Variants in SEC11A observed in about 807,000 individuals in gnomAD.
The protein encoded by SEC11A is SEC11 homolog A, signal peptidase complex subunit.
Under a neutral mutation model 25.6 loss-of-function variants are expected in SEC11A, and 14 were observed. The ratio of observed to expected loss-of-function variants is 0.55; its 90% CI spans 0.36 to 0.85. The LOEUF is 0.85. Ranked by LOEUF, SEC11A falls within the 40% of genes least tolerant of loss-of-function variation. The probability of loss-of-function intolerance (pLI) is 0.01; values close to 1 mark genes in which losing one functional copy is unlikely to be tolerated. For synonymous variants in SEC11A, 83 were observed against 76.4 expected, an observed-to-expected ratio of 1.09 and a Z score of -0.45; for missense variants, 153 against 222.9, an observed-to-expected ratio of 0.69 and a Z score of 2.00.
rs1211241775 is a variant in SEC11A, at chr15:84,680,631, C to T, written c.431+82G>A. 10 of 1,336,154 alleles carry T rather than the reference C, an allele frequency of 7.5e-6. No homozygotes were observed. The South Asian group carries it at 1.4e-4, about 18-fold the overall frequency. The allele number at this position is 1,336,154 out of a possible 1,614,324, so 82.8% of individuals were successfully genotyped here. On this transcript the variant is annotated intron_variant, in intron 4 of 5. Coordinates refer to ENST00000268220, the MANE Select transcript of SEC11A (RefSeq NM_014300.4). ...ACCAGAACCAAATCTCTATATTCAA[C>T]TGTGTATGATCAAATAATATGATTG...
chr15:84,700,327 G>C (rs1445462648), intron 1 of SEC11A, among the ~76,000 whole-genome samples: 1 of 151,760 alleles, frequency 6.6e-6, no homozygotes, highest in East Asian at 1.9e-4. Context: ...TGGGCGAGGT[G>C]GCTTATGCCT....
At chr15:84,701,503 C>CCACT (rs1897940651) in intron 1 of SEC11A, among the ~76,000 whole-genome samples, 1 of 150,298 alleles carries the variant, frequency 6.7e-6, no homozygotes, top group Non-Finnish European at 1.5e-5. Context: ...TGAGATCATG[C>CCACT]CACTGCACTC....
intron 1 of SEC11A, among the ~76,000 whole-genome samples, chr15:84,692,522 C>A (rs1461732856): frequency 2.0e-5 from 3 of 152,188 alleles, no homozygotes; most frequent in African/African-American, 7.2e-5. Flanking sequence ...AGTACTCCAA[C>A]AAACTCTAAA....
At chr15:84,715,132 T>C (rs914066384) in intron 1 of SEC11A, among the ~76,000 whole-genome samples, 2 of 151,904 alleles carry the variant, frequency 1.3e-5, no homozygotes, top group East Asian at 1.9e-4. Flanking sequence ...GTGGCAGTTA[T>C]AAGTACAAAA....
intron 1 of SEC11A, among the ~76,000 whole-genome samples, chr15:84,700,706 C>T (rs530733725): frequency 3.4e-5 from 5 of 146,620 alleles, no homozygotes; most frequent in South Asian, 2.2e-4. Flanking sequence ...AGAGGCCAGG[C>T]GCGGTGGCTC....
At chr15:84,670,122 G>A (rs947934339) in intron 5 of SEC11A, 53 bp from the exon 6 acceptor site, 479 of 1,556,800 alleles carry the variant, frequency 3.1e-4, no homozygotes, top group Non-Finnish European at 4.7e-5. Flanking sequence ...AAGTTCAGAG[G>A]TTCTAAGAGT....
At chr15:84,670,544 ATT>A (rs745508199) in intron 5 of SEC11A, 179 bp downstream of exon 5, 1,377 of 321,176 alleles carry the variant, frequency 4.3e-3, no homozygotes, top group South Asian at 5.8e-3. Context: ...CAGGCTAATA[ATT>A]TTTTTTTTTT....
At chr15:84,712,573 G>A (rs1043164906) in intron 1 of SEC11A, among the ~76,000 whole-genome samples, 1 of 151,014 alleles carries the variant, frequency 6.6e-6, no homozygotes, top group Non-Finnish European at 1.5e-5. Flanking sequence ...TCAGCCTCCT[G>A]AGTAGCTGGG....
chr15:84,712,593 G>A (rs1168585480), intron 1 of SEC11A, among the ~76,000 whole-genome samples: 1 of 151,724 alleles, frequency 6.6e-6, no homozygotes, highest in Non-Finnish European at 1.5e-5. Flanking sequence ...GATTACAGGT[G>A]CGCACCACCA....
intron 1 of SEC11A, among the ~76,000 whole-genome samples, chr15:84,710,745 T>A (rs1357102298): frequency 6.6e-6 from 1 of 152,222 alleles, no homozygotes; most frequent in Non-Finnish European, 1.5e-5. Flanking sequence ...TTAGGTTTTA[T>A]AATTATTAGA....
intron 1 of SEC11A, among the ~76,000 whole-genome samples, chr15:84,693,616 AC>A (rs1897673913): frequency 1.3e-5 from 2 of 151,744 alleles, no homozygotes; most frequent in South Asian, 4.2e-4. Context: ...ATGCATCATC[AC>A]GCCCGGCCAA....
chr15:84,692,306 ACAGGCGTGAGT>A (rs1482504426), intron 1 of SEC11A, among the ~76,000 whole-genome samples: 1 of 152,138 alleles, frequency 6.6e-6, no homozygotes, highest in Non-Finnish European at 1.5e-5. Context: ...GGCTGGGATT[ACAGGCGTGAGT>A]CACCACACCC....
intron 1 of SEC11A, chr15:84,714,898 A>G (rs1341714240): frequency 6.6e-6 from 1 of 152,236 alleles, no homozygotes; most frequent in Non-Finnish European, 1.5e-5. Context: ...ATCAGACTCA[A>G]AATAAATACT....
chr15:84,705,556 C>T (rs1451468974), intron 1 of SEC11A, among the ~76,000 whole-genome samples: 2 of 151,946 alleles, frequency 1.3e-5, no homozygotes, highest in Admixed American at 6.6e-5. Flanking sequence ...GATCTGGTAG[C>T]GAAATTTCTG....
chr15:84,714,740 G>A (rs1366937847), intron 1 of SEC11A: 1 of 152,170 alleles, frequency 6.6e-6, no homozygotes, highest in African/African-American at 2.4e-5. Context: ...CCTTACAGGT[G>A]TATAAAGTGC....
chr15:84,691,460 C>A, intron 2 of SEC11A, 75 bp downstream of exon 2: 2 of 787,302 alleles, frequency 2.5e-6, no homozygotes, highest in Non-Finnish European at 4.3e-6. Context: ...GAATGATATG[C>A]CAGTTATTTC....
At chr15:84,680,979 G>C (rs1048474954) in intron 3 of SEC11A, 147 bp from the exon 4 acceptor site, 10 of 626,912 alleles carry the variant, frequency 1.6e-5, no homozygotes, top group Non-Finnish European at 2.6e-5. Flanking sequence ...GGAGCTACAA[G>C]AATGTTAATA....
chr15:84,692,919 C>T (rs764770131), intron 1 of SEC11A, among the ~76,000 whole-genome samples: 1 of 152,170 alleles, frequency 6.6e-6, no homozygotes, highest in Non-Finnish European at 1.5e-5. Flanking sequence ...AATCACAGCT[C>T]ACTGCAGCCT....
At chr15:84,677,695 G>A (rs1300755103) in intron 4 of SEC11A, among the ~76,000 whole-genome samples, 1 of 151,874 alleles carries the variant, frequency 6.6e-6, no homozygotes, top group Non-Finnish European at 1.5e-5. Flanking sequence ...GGATGGTCTC[G>A]ATCTCCTGAC....
Sources: gnomAD v4.1 joint callset for allele counts (sites outside exome capture counted in the v4.1 genomes callset) on GRCh38, gnomAD v4.1.1 for gene constraint, MANE v1.5 for transcripts, NCBI Gene and HGNC (gene_info 2026-07-23, HGNC 2026-07-21) for gene names.